PSD3: variants seen among roughly 807,000 people sequenced by gnomAD.
PSD3 encodes PH and SEC7 domain-containing protein 3.
In PSD3, 49 loss-of-function variants were observed where a neutral mutation model predicts 105.5. The observed-to-expected ratio is 0.46, with a 90% CI of 0.37 to 0.59. PSD3 has a LOEUF of 0.59. Among genes scored for constraint, PSD3 ranks in the 20% least tolerant of loss-of-function variants. The pLI, the probability that PSD3 is intolerant of heterozygous loss-of-function variation, is 0.00. For synonymous variants in PSD3, 557 were observed against 457.8 expected (o/e 1.22, Z -2.77); for missense variants, 1,561 against 1,263.8 (o/e 1.24, Z -3.57).
chr8:18,755,487 A>ATAACATAACATAACATAACATAACATAAG (rs1396646575), intron 9 of PSD3, among the ~76,000 whole-genome samples: 1 of 80,818 alleles, frequency 1.2e-5, no homozygotes, highest in South Asian at 4.0e-4. Context: ...CATAACATAA[A>ATAACATAACATAACATAACATAACATAAG]AATGCTCCAA....
At chr8:19,061,512 A>G (rs896547242) in intron 1 of PSD3, among the ~76,000 whole-genome samples, 1 of 152,150 alleles carries the variant, frequency 6.6e-6, no homozygotes, top group African/African-American at 2.4e-5. Context: ...ATTTAAAAAA[A>G]AAAATCACTT....
chr8:19,048,379 C>T (rs1370575005), intron 1 of PSD3, among the ~76,000 whole-genome samples: 2 of 152,164 alleles, frequency 1.3e-5, no homozygotes, highest in Non-Finnish European at 2.9e-5. Flanking sequence ...CTTTGAAAGT[C>T]AGATTCCTGG....
At chr8:19,051,516 G>A (rs1272729701) in intron 1 of PSD3, among the ~76,000 whole-genome samples, 2 of 152,154 alleles carry the variant, frequency 1.3e-5, no homozygotes, top group African/African-American at 4.8e-5. Context: ...TTCTGAATGG[G>A]TGAATGTTTT....
chr8:19,037,719 C>T (rs1251407221), intron 1 of PSD3, among the ~76,000 whole-genome samples: 1 of 152,060 alleles, frequency 6.6e-6, no homozygotes. Flanking sequence ...CTTCTAGTTT[C>T]TGGGCCTTCA....
intron 9 of PSD3, among the ~76,000 whole-genome samples, chr8:18,671,862 A>T (rs775711091): frequency 6.6e-6 from 1 of 151,946 alleles, no homozygotes; most frequent in South Asian, 2.1e-4. Flanking sequence ...CGATCTCCTG[A>T]CCTTGTTATC....
chr8:19,078,726 C>G (rs1228731856), intron 1 of PSD3, among the ~76,000 whole-genome samples: 2 of 151,908 alleles, frequency 1.3e-5, no homozygotes, highest in African/African-American at 4.8e-5. Context: ...AGTCTCCTCC[C>G]AGGGATGCAG....
At chr8:18,561,071 G>C (rs1429028510) in intron 14 of PSD3, among the ~76,000 whole-genome samples, 4 of 152,184 alleles carry the variant, frequency 2.6e-5, no homozygotes, top group Non-Finnish European at 4.4e-5. Context: ...AAATAATCTA[G>C]CAATCCCACT....
intron 9 of PSD3, among the ~76,000 whole-genome samples, chr8:18,683,224 G>A (rs1800481939): frequency 6.6e-6 from 1 of 152,180 alleles, no homozygotes; most frequent in Non-Finnish European, 1.5e-5. Flanking sequence ...TAAGGAACAT[G>A]AAAGAAGAAA....
intron 14 of PSD3, among the ~76,000 whole-genome samples, chr8:18,560,236 C>A (rs1275567439): frequency 6.7e-6 from 1 of 148,954 alleles, no homozygotes; most frequent in African/African-American, 2.5e-5. Flanking sequence ...ACAGCAACAA[C>A]AACAAAAAAC....
At chr8:18,772,360 C>G (rs1807619533) in intron 8 of PSD3, among the ~76,000 whole-genome samples, 1 of 151,942 alleles carries the variant, frequency 6.6e-6, no homozygotes, top group Admixed American at 6.6e-5. Flanking sequence ...CAGTACGTTT[C>G]CAATTTGTCT....
rs956215961 is a variant in PSD3 at position 18,994,966 on chromosome 8, G to A, written c.21+18597C>T. Among the ~76,000 whole-genome samples the A allele has an allele frequency of 3.7e-4, 55 of 148,824 alleles. 1 individual carries two copies. Among genetic ancestry groups the A allele is most frequent in the African/African-American group, 1.2e-3 (50 of 40,402 alleles). On this transcript the variant is annotated intron_variant, in intron 1 of 15. Coordinates refer to ENST00000327040, the MANE Select transcript of PSD3 (RefSeq NM_015310.4). Reference sequence around the variant, plus strand: ...TTTATAGGTACTTTTTAAGTACCGCGTCCAGTCTAGAGCCATCTAAGAAGC... The same window carrying A: ...TTTATAGGTACTTTTTAAGTACCGCATCCAGTCTAGAGCCATCTAAGAAGC...
chr8:18,814,073 G>A (rs1811992707), intron 4 of PSD3, among the ~76,000 whole-genome samples: 1 of 152,224 alleles, frequency 6.6e-6, no homozygotes, highest in Admixed American at 6.5e-5. Flanking sequence ...CAGTTACATA[G>A]AATACATTCC....
intron 1 of PSD3, among the ~76,000 whole-genome samples, chr8:19,066,705 C>G (rs553645009): frequency 6.6e-6 from 1 of 152,328 alleles, no homozygotes; most frequent in Admixed American, 6.5e-5. Flanking sequence ...TGTCTATAAA[C>G]TAGAAACAAT....
chr8:18,609,494 T>C (rs909485579), intron 11 of PSD3, among the ~76,000 whole-genome samples: 2 of 152,254 alleles, frequency 1.3e-5, no homozygotes, highest in Admixed American at 1.3e-4. Context: ...ACATCATCTA[T>C]ACTAGCTGTA....
intron 1 of PSD3, among the ~76,000 whole-genome samples, chr8:18,997,808 A>G (rs1412776400): frequency 6.6e-6 from 1 of 151,598 alleles, no homozygotes; most frequent in Admixed American, 6.6e-5. Flanking sequence ...CTCATGCGTC[A>G]CCTCAACAAG....
chr8:18,900,604 A>C (rs1297053638), intron 2 of PSD3, among the ~76,000 whole-genome samples: 1 of 151,900 alleles, frequency 6.6e-6, no homozygotes, highest in Admixed American at 6.6e-5. Context: ...TAGTGAACTA[A>C]ACATGATGAA....
intron 13 of PSD3, among the ~76,000 whole-genome samples, chr8:18,574,516 C>T (rs570167984): frequency 1.3e-5 from 2 of 152,302 alleles, no homozygotes; most frequent in East Asian, 1.9e-4. Context: ...TTATAACCTC[C>T]CCCTAAAACT....
At chr8:18,570,843 C>CTAGTATTATTATTAT in intron 14 of PSD3, among the ~76,000 whole-genome samples, 1 of 117,418 alleles carries the variant, frequency 8.5e-6, no homozygotes, top group East Asian at 2.1e-4. Context: ...CTGCTTAAAA[C>CTAGTATTATTATTAT]TATTATTATT....
intron 1 of PSD3, among the ~76,000 whole-genome samples, chr8:19,061,608 C>A (rs1712962633): frequency 6.6e-6 from 1 of 151,996 alleles, no homozygotes; most frequent in South Asian, 2.1e-4. Context: ...GAGTTCAAGA[C>A]CACTCTGACC....
Sources: allele counts gnomAD v4.1 joint callset (sites outside exome capture counted in the v4.1 genomes callset), GRCh38; gene constraint gnomAD v4.1.1; transcripts MANE v1.5; gene names NCBI Gene and HGNC (gene_info 2026-07-23, HGNC 2026-07-21).